The following NREP variants were observed in gnomAD, a reference collection of about 807,000 sequenced individuals.
The protein encoded by NREP is neuronal regeneration-related protein.
In NREP, 5 loss-of-function variants were observed where a neutral mutation model predicts 8.6. That is an observed-to-expected ratio of 0.58 (90% CI 0.30 to 1.22). NREP has a LOEUF of 1.22. Ranked by LOEUF, NREP falls within the 50% of genes most tolerant of loss-of-function variation. NREP has a pLI of 0.07. For missense variants in NREP, 86 were observed against 82.5 expected (o/e 1.04, Z -0.17); for synonymous variants, 27 against 28.0 (o/e 0.96, Z 0.11).
At chr5:111,757,096 C>T (rs1005960511) in intron 1 of NREP, 40 bp downstream of exon 1, 1 of 605,042 alleles carries the variant, frequency 1.7e-6, no homozygotes, top group Non-Finnish European at 2.1e-6. Flanking sequence ...AAAAGAGAAA[C>T]CAGCGCTCCC....
intron 2 of NREP, among the ~76,000 whole-genome samples, chr5:111,878,524 G>T (rs10477474): frequency 2.6e-5 from 4 of 151,948 alleles, no homozygotes; most frequent in Non-Finnish European, 4.4e-5. Context: ...CCCTTGACAC[G>T]TGGGGATTAT....
At chr5:111,827,158 T>C (rs1264313834) in intron 2 of NREP, among the ~76,000 whole-genome samples, 4 of 152,204 alleles carry the variant, frequency 2.6e-5, no homozygotes, top group African/African-American at 9.6e-5. Context: ...TTGAGATTGA[T>C]CAGTGATGTT....
intron 2 of NREP, among the ~76,000 whole-genome samples, chr5:111,836,498 T>A (rs1290606221): frequency 1.3e-5 from 2 of 152,050 alleles, no homozygotes; most frequent in Non-Finnish European, 2.9e-5. Context: ...TTAACAAAAA[T>A]CTTTCTTTCA....
chr5:111,810,981 T>G (rs913829128), intron 2 of NREP, among the ~76,000 whole-genome samples: 2 of 152,194 alleles, frequency 1.3e-5, no homozygotes, highest in Non-Finnish European at 2.9e-5. Flanking sequence ...TGATTCCTGG[T>G]GCTCACTGGG....
intron 2 of NREP, among the ~76,000 whole-genome samples, chr5:111,817,355 CA>C (rs1333201337): frequency 6.6e-6 from 1 of 152,104 alleles, no homozygotes; most frequent in Non-Finnish European, 1.5e-5. Context: ...TTCTCAATAC[CA>C]GTGGGAAAGC....
intron 2 of NREP, among the ~76,000 whole-genome samples, chr5:111,972,716 A>G (rs141074441): frequency 6.6e-6 from 1 of 152,158 alleles, no homozygotes; most frequent in African/African-American, 2.4e-5. Flanking sequence ...ATCACCACCA[A>G]TCTAGACCCG....
At chr5:111,951,854 TG>T (rs1340334592) in intron 2 of NREP, among the ~76,000 whole-genome samples, 3 of 152,120 alleles carry the variant, frequency 2.0e-5, no homozygotes, top group African/African-American at 4.8e-5. Context: ...TTGCGAGGTA[TG>T]CCATATGTTT....
intron 2 of NREP, among the ~76,000 whole-genome samples, chr5:111,884,727 A>G (rs1754191610): frequency 6.6e-6 from 1 of 152,204 alleles, no homozygotes; most frequent in South Asian, 2.1e-4. Context: ...CAAAAACCAC[A>G]TGATTATCTC....
intron 2 of NREP, among the ~76,000 whole-genome samples, chr5:111,959,006 T>C (rs945407387): frequency 6.6e-6 from 1 of 151,800 alleles, no homozygotes; most frequent in African/African-American, 2.4e-5. Context: ...TACATTTGGT[T>C]TTCAGAAAGA....
intron 2 of NREP, among the ~76,000 whole-genome samples, chr5:111,824,450 C>T (rs907461030): frequency 2.6e-5 from 4 of 152,212 alleles, no homozygotes; most frequent in African/African-American, 9.7e-5. Flanking sequence ...TATGCAATGA[C>T]GTGCCAAGAA....
intron 2 of NREP, among the ~76,000 whole-genome samples, chr5:111,948,161 T>A (rs750918777): frequency 1.3e-5 from 2 of 152,136 alleles, no homozygotes; most frequent in African/African-American, 2.4e-5. Flanking sequence ...ATATTTAATT[T>A]CCCACAAAAG....
rs116801116 is a variant in NREP at position 111,899,430 on chromosome 5, C to T, written c.135+75844G>A. 8.6e-3 allele frequency among the ~76,000 whole-genome samples: 1,308 copies of T among 152,150 alleles called. 22 individuals carry two copies. The highest frequency in any genetic ancestry group is 0.03 in the African/African-American group (1,241 of 41,520). On this transcript the variant is annotated intron_variant, in intron 2 of 3. Transcript: ENST00000395634. Reference sequence around the variant, plus strand: ...TTGGAAGGTTAAGGCAGGACAATCACGTGAGCCTAGGAATTCATGACCGCA... The same window carrying T: ...TTGGAAGGTTAAGGCAGGACAATCATGTGAGCCTAGGAATTCATGACCGCA...
At chr5:111,889,337 A>T (rs1418691005) in intron 2 of NREP, among the ~76,000 whole-genome samples, 2 of 152,152 alleles carry the variant, frequency 1.3e-5, no homozygotes, top group African/African-American at 4.8e-5. Flanking sequence ...CACTCACTAT[A>T]CCAAAGACAT....
intron 2 of NREP, among the ~76,000 whole-genome samples, chr5:111,808,572 T>G (rs1752196210): frequency 6.6e-6 from 1 of 152,244 alleles, no homozygotes; most frequent in African/African-American, 2.4e-5. Context: ...CTTTTTTGTT[T>G]AGCAAACTAT....
intron 2 of NREP, among the ~76,000 whole-genome samples, chr5:111,871,012 T>A (rs1221922653): frequency 1.3e-5 from 2 of 151,740 alleles, no homozygotes; most frequent in African/African-American, 4.8e-5. Context: ...AGGGCTGGCA[T>A]CTGTATTAGT....
At chr5:111,880,001 T>A (rs1282440850) in intron 2 of NREP, among the ~76,000 whole-genome samples, 3 of 152,210 alleles carry the variant, frequency 2.0e-5, no homozygotes, top group South Asian at 2.1e-4. Flanking sequence ...TGGGGAGATA[T>A]AAACATTCAG....
At position 111,896,899 on chromosome 5, in the gene NREP, C is replaced by A. The variant is rs1041575207; in HGVS notation, c.135+78375G>T. ...TTTGAGTTACAATATGATTTATTATCCTTAGTCCCAGACAGCTCAGGAACC... is the reference window on the plus strand; with the variant it reads ...TTTGAGTTACAATATGATTTATTATACTTAGTCCCAGACAGCTCAGGAACC... On this transcript the variant is annotated intron_variant, in intron 2 of 3. Transcript: ENST00000395634. Among the ~76,000 whole-genome samples the A allele has an allele frequency of 9.9e-5, 15 of 152,218 alleles. No individual in the cohort carries two copies. The South Asian group carries it at 2.3e-3, about 23-fold the overall frequency.
At chr5:111,890,437 C>T (rs1754366418) in intron 2 of NREP, among the ~76,000 whole-genome samples, 1 of 152,168 alleles carries the variant, frequency 6.6e-6, no homozygotes, top group South Asian at 2.1e-4. Context: ...AGAGTGGTGG[C>T]CCTCTTCTCA....
At chr5:111,772,084 A>G (rs1292541526) in intron 2 of NREP, among the ~76,000 whole-genome samples, 1 of 152,206 alleles carries the variant, frequency 6.6e-6, no homozygotes, top group African/African-American at 2.4e-5. Context: ...GTTGGACTGG[A>G]AGATTCTCCA....
Sources: gnomAD v4.1 joint callset for allele counts (sites outside exome capture counted in the v4.1 genomes callset) on GRCh38, gnomAD v4.1.1 for gene constraint, MANE v1.5 for transcripts, NCBI Gene and HGNC (gene_info 2026-07-23, HGNC 2026-07-21) for gene names.